Variants in NKAIN2 observed in about 807,000 individuals in gnomAD.
NKAIN2 encodes sodium/potassium-transporting ATPase subunit beta-1-interacting protein 2.
In NKAIN2, 14 loss-of-function variants were observed where a neutral mutation model predicts 32.6. The observed-to-expected ratio is 0.43, with a 90% CI of 0.28 to 0.67. The LOEUF (loss-of-function observed/expected upper bound fraction) is 0.67. Ranked by LOEUF, NKAIN2 falls within the 30% of genes least tolerant of loss-of-function variation. The pLI, the probability that NKAIN2 is intolerant of heterozygous loss-of-function variation, is 0.17. For missense variants in NKAIN2, 198 were observed against 258.3 expected (o/e 0.77, Z 1.60); for synonymous variants, 80 against 87.2 (o/e 0.92, Z 0.46).
chr6:124,736,129 A>G (rs1776925290), intron 4 of NKAIN2, among the ~76,000 whole-genome samples: 2 of 151,998 alleles, frequency 1.3e-5, no homozygotes, highest in African/African-American at 4.8e-5. Flanking sequence ...CAATAAACAT[A>G]TAAATGATAA....
chr6:124,734,374 C>T (rs985914764), intron 4 of NKAIN2, among the ~76,000 whole-genome samples: 7 of 151,782 alleles, frequency 4.6e-5, no homozygotes, highest in African/African-American at 1.7e-4. Context: ...CTACAGTTCA[C>T]TGTATTTTGC....
intron 4 of NKAIN2, among the ~76,000 whole-genome samples, chr6:124,696,123 C>T (rs1024617354): frequency 1.3e-5 from 2 of 152,118 alleles, no homozygotes; most frequent in Admixed American, 6.5e-5. Context: ...GGAAGGACCT[C>T]TGTGAGAGTC....
At chr6:124,344,083 T>C (rs62434711) in intron 2 of NKAIN2, among the ~76,000 whole-genome samples, 5,346 of 152,174 alleles carry the variant, frequency 0.035, 138 homozygotes, top group African/African-American at 0.042. Context: ...ATTTATTAAA[T>C]AGGGAATCCT....
intron 1 of NKAIN2, among the ~76,000 whole-genome samples, chr6:124,149,561 A>C (rs1190263792): frequency 6.6e-6 from 1 of 152,204 alleles, no homozygotes; most frequent in Non-Finnish European, 1.5e-5. Flanking sequence ...ATTGGATTAT[A>C]GTATGCTTGT....
At chr6:124,244,201 T>C (rs2114785756) in intron 1 of NKAIN2, among the ~76,000 whole-genome samples, 1 of 150,904 alleles carries the variant, frequency 6.6e-6, no homozygotes, top group East Asian at 2.0e-4. Context: ...TAACTCGTCA[T>C]CTAGCATTAG....
At chr6:124,180,378 A>G (rs756567384) in intron 1 of NKAIN2, among the ~76,000 whole-genome samples, 1 of 152,082 alleles carries the variant, frequency 6.6e-6, no homozygotes, top group African/African-American at 2.4e-5. Context: ...TCCCCTTCAT[A>G]AAACAATCAG....
chr6:124,045,451 C>T (rs965754173), intron 1 of NKAIN2, among the ~76,000 whole-genome samples: 3 of 152,112 alleles, frequency 2.0e-5, no homozygotes, highest in African/African-American at 7.2e-5. Context: ...CTGTTTTACA[C>T]TTCCAATTAA....
chr6:124,307,391 C>T (rs571390854), intron 2 of NKAIN2, among the ~76,000 whole-genome samples: 1 of 152,226 alleles, frequency 6.6e-6, no homozygotes, highest in Non-Finnish European at 1.5e-5. Context: ...TCTTATTCCA[C>T]ACGGTACTAT....
intron 1 of NKAIN2, among the ~76,000 whole-genome samples, chr6:123,952,008 G>T (rs1777350080): frequency 6.6e-6 from 1 of 151,372 alleles, no homozygotes; most frequent in South Asian, 2.1e-4. Flanking sequence ...ATCTTCTTCT[G>T]TGTTTTCATG....
chr6:124,311,623 G>A (rs950371300), intron 2 of NKAIN2, among the ~76,000 whole-genome samples: 4 of 152,094 alleles, frequency 2.6e-5, no homozygotes, highest in Admixed American at 6.6e-5. Flanking sequence ...ACGCAAATAG[G>A]GAGGAACATG....
At chr6:124,018,344 G>A (rs191587931) in intron 1 of NKAIN2, among the ~76,000 whole-genome samples, 2 of 152,236 alleles carry the variant, frequency 1.3e-5, no homozygotes, top group East Asian at 3.9e-4. Context: ...GACATGCTCT[G>A]GAGACATTTT....
At chr6:124,178,364 C>T (rs1336131767) in intron 1 of NKAIN2, among the ~76,000 whole-genome samples, 4 of 149,932 alleles carry the variant, frequency 2.7e-5, no homozygotes, top group African/African-American at 9.8e-5. Flanking sequence ...GTGGCATGAT[C>T]TAGGCTCACT....
intron 3 of NKAIN2, among the ~76,000 whole-genome samples, chr6:124,548,107 G>A (rs1401479392): frequency 6.6e-6 from 1 of 152,134 alleles, no homozygotes; most frequent in Non-Finnish European, 1.5e-5. Flanking sequence ...AGCAGAAGGT[G>A]TTAATATATT....
intron 5 of NKAIN2, among the ~76,000 whole-genome samples, chr6:124,810,631 T>C (rs564668198): frequency 1.3e-5 from 2 of 151,790 alleles, no homozygotes; most frequent in South Asian, 2.1e-4. Context: ...TAAAGTATAA[T>C]AATAAAAATA....
intron 1 of NKAIN2, among the ~76,000 whole-genome samples, chr6:123,885,846 A>T (rs557017521): frequency 2.3e-4 from 35 of 151,982 alleles, no homozygotes; most frequent in Non-Finnish European, 3.4e-4. Context: ...AAAATGGTAC[A>T]TTAGGAAAGC....
chr6:124,265,521 G>C (rs867279574), intron 1 of NKAIN2, among the ~76,000 whole-genome samples: 1 of 152,018 alleles, frequency 6.6e-6, no homozygotes, highest in African/African-American at 2.4e-5. Context: ...GCCTAAAATT[G>C]GCAATTTATT....
chr6:124,232,631 C>G (rs944364476), intron 1 of NKAIN2, among the ~76,000 whole-genome samples: 7 of 152,122 alleles, frequency 4.6e-5, no homozygotes, highest in African/African-American at 1.2e-4. Flanking sequence ...ATGTTATCCC[C>G]CCACTTTCCT....
intron 5 of NKAIN2, among the ~76,000 whole-genome samples, chr6:124,815,600 G>C (rs1158317348): frequency 1.3e-5 from 2 of 151,976 alleles, no homozygotes; most frequent in African/African-American, 4.8e-5. Context: ...ACTTTAAATA[G>C]AGTCACTGTG....
At chr6:124,223,560 A>G (rs551244002) in intron 1 of NKAIN2, among the ~76,000 whole-genome samples, 8 of 152,302 alleles carry the variant, frequency 5.3e-5, no homozygotes, top group Admixed American at 2.6e-4. Flanking sequence ...TCCATTAAGC[A>G]TCTTTCTGTG....
Sources: gnomAD v4.1 joint callset for allele counts (sites outside exome capture counted in the v4.1 genomes callset) on GRCh38, gnomAD v4.1.1 for gene constraint, MANE v1.5 for transcripts, NCBI Gene and HGNC (gene_info 2026-07-23, HGNC 2026-07-21) for gene names.